Variants in ABHD5 observed in about 807,000 individuals in gnomAD.
ABHD5 encodes the protein abhydrolase domain containing 5, lysophosphatidic acid acyltransferase, also known as 1-acylglycerol-3-phosphate O-acyltransferase ABHD5.
In ABHD5, 30 loss-of-function variants were observed where a neutral mutation model predicts 44.9. That is an observed-to-expected ratio of 0.67 (90% CI 0.50 to 0.91). The LOEUF (loss-of-function observed/expected upper bound fraction) is 0.91. ABHD5 is among the 40% of genes least tolerant of loss of function. ABHD5 has a pLI of 0.00. For missense variants in ABHD5, 399 were observed against 423.4 expected (o/e 0.94, Z 0.50); for synonymous variants, 167 against 147.0 (o/e 1.14, Z -0.99).
At chr3:43,726,373 A>T (rs1013387597), downstream of ABHD5, among the ~76,000 whole-genome samples, 2 of 152,132 alleles carry the variant, frequency 1.3e-5, no homozygotes, top group African/African-American at 4.8e-5. Flanking sequence ...GCTGTTTTCC[A>T]TGGGGTAGGA....
At position 43,714,947 on chromosome 3, in the gene ABHD5, G is replaced by C; in HGVS notation, c.662G>C (p.Gly221Ala). ...ATTTTTTAAATTTCCTGTTAAATAGGTTTAAGTCTAGTGCAGCGTTTAAGG... is the reference window on the plus strand; with the variant it reads ...ATTTTTTAAATTTCCTGTTAAATAGCTTTAAGTCTAGTGCAGCGTTTAAGG... ...LAGLRIAGPF[G>A]LSLVQRLRPD... The change falls in exon 5 of 7, where the codon GGT (glycine) becomes GCT (alanine). Residue 221 changes from glycine (G) to alanine (A), a missense_variant and splice_region_variant. Physicochemically the swap from Gly to Ala is moderately conservative, Grantham distance 60. Coordinates refer to ENST00000644371, the MANE Select transcript of ABHD5 (RefSeq NM_016006.6). The C allele has an allele frequency of 6.2e-7, 1 of 1,608,692 alleles. No homozygotes were observed. Among genetic ancestry groups the C allele is most frequent in the Non-Finnish European group, 8.5e-7 (1 of 1,175,476 alleles).
intron 4 of ABHD5, among the ~76,000 whole-genome samples, chr3:43,712,928 A>G (rs1559416710): frequency 6.6e-6 from 1 of 152,044 alleles, no homozygotes; most frequent in Non-Finnish European, 1.5e-5. Context: ...TAGTCCTTCC[A>G]CCAGCAAAGA....
intron 3 of ABHD5, among the ~76,000 whole-genome samples, chr3:43,704,061 G>A (rs1220644860): frequency 2.9e-5 from 4 of 138,448 alleles, no homozygotes; most frequent in South Asian, 4.7e-4. Context: ...TTTTTGAGCC[G>A]GAGTCTCACT....
chr3:43,710,283 TG>T (rs1450253995), intron 3 of ABHD5, among the ~76,000 whole-genome samples: 1 of 152,228 alleles, frequency 6.6e-6, no homozygotes. Flanking sequence ...CTATGAAGTT[TG>T]GAGTATAATA....
In ABHD5 at chr3:43,702,586, A is replaced by G. The variant is rs1187331693; in HGVS notation, c.505A>G (p.Arg169Gly). The change falls in exon 3 of 7, where the codon AGG becomes GGG. Residue 169 changes from arginine (R) to glycine (G), a missense_variant and splice_region_variant. Physicochemically the swap from Arg to Gly is moderately radical, Grantham distance 125 (BLOSUM62 -2). Coordinates refer to ENST00000644371, the MANE Select transcript of ABHD5 (RefSeq NM_016006.6). ...AAAYSLKYPS[R>G]VNHLILVEPW... is the part of the protein sequence containing the mutation. ...TGCTTACTCGCTGAAGTACCCATCA[A>G]GGTAAGTGGTGGTGACAGAAGAGAG... The G allele has an allele frequency of 5.0e-6, 8 of 1,614,200 alleles. No homozygotes were observed. In the South Asian group the frequency reaches 7.7e-5, roughly 16 times the overall value.
chr3:43,690,870 A>G (rs370801006), upstream of ABHD5: 5 of 1,061,778 alleles, frequency 4.7e-6, no homozygotes, highest in South Asian at 8.1e-5. Context: ...GGGCCGTGCT[A>G]GTGCGCGGAA....
chr3:43,724,053 A>G (rs967594553), downstream of ABHD5, among the ~76,000 whole-genome samples: 9 of 152,160 alleles, frequency 5.9e-5, no homozygotes, highest in African/African-American at 2.2e-4. Context: ...AAATGAGCAG[A>G]GTGTTATGTT....
intron 2 of ABHD5, among the ~76,000 whole-genome samples, chr3:43,701,088 A>G (rs922203221): frequency 5.3e-5 from 8 of 152,228 alleles, no homozygotes; most frequent in Admixed American, 3.9e-4. Context: ...AGGAATGTGA[A>G]TTGGTCTCTG....
intron 2 of ABHD5, among the ~76,000 whole-genome samples, chr3:43,700,268 CCTT>C (rs2084525105): frequency 6.6e-6 from 1 of 151,494 alleles, no homozygotes; most frequent in African/African-American, 2.4e-5. Flanking sequence ...CCTTTTTTTT[CCTT>C]CTTATGAGCA....
intron 2 of ABHD5, 64 bp downstream of exon 2, chr3:43,699,425 G>T: frequency 7.1e-7 from 1 of 1,405,798 alleles, no homozygotes; most frequent in Non-Finnish European, 1.0e-6. Flanking sequence ...ATATCTCATT[G>T]CCCTGAAACT....
chr3:43,706,607 ATGCC>A (rs1405569806), intron 3 of ABHD5, among the ~76,000 whole-genome samples: 2 of 151,996 alleles, frequency 1.3e-5, no homozygotes, highest in Admixed American at 1.3e-4. Context: ...GTGTGCCACC[ATGCC>A]TGGGTAATTT....
downstream of ABHD5, among the ~76,000 whole-genome samples, chr3:43,727,626 T>G (rs1003527245): frequency 2.0e-5 from 3 of 152,054 alleles, no homozygotes; most frequent in African/African-American, 7.3e-5. Context: ...TTGTTTGTTT[T>G]GAGGCAGAGT....
At chr3:43,700,590 T>C (rs1324767975) in intron 2 of ABHD5, among the ~76,000 whole-genome samples, 1 of 152,088 alleles carries the variant, frequency 6.6e-6, no homozygotes, top group Non-Finnish European at 1.5e-5. Context: ...TTTTTTTTTT[T>C]TGAGATGGAG....
chr3:43,714,066 C>T (rs760747625), intron 4 of ABHD5, among the ~76,000 whole-genome samples: 51 of 151,800 alleles, frequency 3.4e-4, no homozygotes, highest in Non-Finnish European at 6.8e-4. Context: ...AGCTTCTGCT[C>T]TTCATCCTCT....
chr3:43,725,551 A>T (rs1171748729), downstream of ABHD5, among the ~76,000 whole-genome samples: 1 of 152,212 alleles, frequency 6.6e-6, no homozygotes, highest in Non-Finnish European at 1.5e-5. Flanking sequence ...TAAAGATTAG[A>T]AGGTTTCCAT....
At chr3:43,691,109 C>T in intron 1 of ABHD5, 70 bp downstream of exon 1, 1 of 1,427,806 alleles carries the variant, frequency 7.0e-7, no homozygotes, top group Non-Finnish European at 9.2e-7. Flanking sequence ...GGTTAGGGCC[C>T]AGCGGGCAGC....
chr3:43,701,826 C>T (rs991277459), intron 2 of ABHD5: 2 of 162,982 alleles, frequency 1.2e-5, no homozygotes, highest in Admixed American at 5.9e-5. Context: ...TTGTAGAACA[C>T]CTGACAGTAT....
Position 43,711,813 on chromosome 3 carries a change from C to T in ABHD5, c.611C>T (p.Ala204Val), listed in dbSNP as rs1196977543. 6.2e-7 allele frequency: 1 copy of T among 1,614,196 alleles called. No individual in the cohort carries two copies. The highest frequency in any genetic ancestry group is 1.1e-5 in the South Asian group (1 of 91,084). ...IPVWIRALGA[A>V]LTPFNPLAGL... ...GTTTGGATCAGAGCCTTGGGAGCAGCATTGACTCCCTTTAACCCTTTAGCT... is the reference window on the plus strand; with the variant it reads ...GTTTGGATCAGAGCCTTGGGAGCAGTATTGACTCCCTTTAACCCTTTAGCT... The change falls in exon 4 of 7, where the codon GCA becomes GTA. Residue 204 changes from alanine (A) to valine (V), a missense_variant. Ala to Val is a moderately conservative substitution (Grantham distance 64). Coordinates refer to ENST00000644371, the MANE Select transcript of ABHD5 (RefSeq NM_016006.6).
At chr3:43,718,407 T>C in intron 6 of ABHD5, 36 bp from the exon 7 acceptor site, 1 of 1,546,368 alleles carries the variant, frequency 6.5e-7, no homozygotes, top group Non-Finnish European at 8.9e-7. Context: ...TAAATGCTTT[T>C]ACTCACTAAC....
Sources: gnomAD v4.1 joint callset for allele counts (sites outside exome capture counted in the v4.1 genomes callset) on GRCh38, gnomAD v4.1.1 for gene constraint, MANE v1.5 for transcripts, NCBI Gene and HGNC (gene_info 2026-07-23, HGNC 2026-07-21) for gene names.